Variants in CXCL13 observed in about 807,000 individuals in gnomAD.
The protein encoded by CXCL13 is C-X-C motif chemokine 13.
CXCL13 carries 7 observed loss-of-function variants against 12.2 expected under a neutral mutation model. The ratio of observed to expected loss-of-function variants is 0.57; its 90% CI spans 0.33 to 1.07. The LOEUF (loss-of-function observed/expected upper bound fraction) is 1.07, where lower values mean the gene tolerates loss of function less well. Among genes scored for constraint, CXCL13 ranks in the 50% least tolerant of loss-of-function variants. The pLI is 0.04. For synonymous variants in CXCL13, 47 were observed against 42.4 expected, an observed-to-expected ratio of 1.11 and a Z score of -0.42; for missense variants, 113 against 127.4, an observed-to-expected ratio of 0.89 and a Z score of 0.55.
intron 1 of CXCL13, among the ~76,000 whole-genome samples, chr4:77,538,317 TTTTG>T (rs990670395): frequency 2.0e-5 from 3 of 152,092 alleles, no homozygotes; most frequent in Admixed American, 6.5e-5. Context: ...TGTGGTTTTT[TTTTG>T]TTTGTTTTGG....
intron 1 of CXCL13, among the ~76,000 whole-genome samples, chr4:77,544,226 T>C (rs191783217): frequency 6.6e-6 from 1 of 152,316 alleles, no homozygotes; most frequent in East Asian, 1.9e-4. Flanking sequence ...TGTGTCTTTA[T>C]AGTAGCATGG....
chr4:77,570,308 A>G (rs368027759), intron 1 of CXCL13, among the ~76,000 whole-genome samples: 1 of 152,264 alleles, frequency 6.6e-6, no homozygotes, highest in African/African-American at 2.4e-5. Flanking sequence ...AGCAAAAGAA[A>G]CTATCAACAG....
At chr4:77,513,229 T>A (rs1379000145) in intron 1 of CXCL13, among the ~76,000 whole-genome samples, 2 of 152,144 alleles carry the variant, frequency 1.3e-5, no homozygotes, top group Admixed American at 1.3e-4. Flanking sequence ...TTTGCTATTG[T>A]GAACAGTGCC....
At chr4:77,601,309 G>A (rs896590062), upstream of CXCL13, among the ~76,000 whole-genome samples, 11 of 152,152 alleles carry the variant, frequency 7.2e-5, no homozygotes, top group Admixed American at 4.6e-4. Flanking sequence ...CACAGGATTT[G>A]CACTGTCCAA....
At chr4:77,534,548 T>C (rs1367286386) in intron 1 of CXCL13, among the ~76,000 whole-genome samples, 2 of 152,246 alleles carry the variant, frequency 1.3e-5, no homozygotes, top group Non-Finnish European at 2.9e-5. Context: ...GAAATGCACA[T>C]GAGATCTCTT....
At chr4:77,542,917 G>T (rs1010973871) in intron 1 of CXCL13, among the ~76,000 whole-genome samples, 1 of 152,058 alleles carries the variant, frequency 6.6e-6, no homozygotes, top group Non-Finnish European at 1.5e-5. Flanking sequence ...AATTTTTTGG[G>T]AATAGTTTCA....
At chr4:77,514,283 T>C (rs1479938859) in intron 1 of CXCL13, among the ~76,000 whole-genome samples, 2 of 151,882 alleles carry the variant, frequency 1.3e-5, no homozygotes, top group Admixed American at 6.5e-5. Flanking sequence ...CATGTGTCTT[T>C]ATAGCAGCAT....
At chr4:77,537,335 C>T (rs919463601) in intron 1 of CXCL13, among the ~76,000 whole-genome samples, 1 of 152,142 alleles carries the variant, frequency 6.6e-6, no homozygotes, top group Non-Finnish European at 1.5e-5. Context: ...AGAGATGCAG[C>T]TGATTCACAT....
intron 1 of CXCL13, among the ~76,000 whole-genome samples, chr4:77,536,769 A>G (rs554971684): frequency 6.6e-6 from 1 of 152,326 alleles, no homozygotes; most frequent in South Asian, 2.1e-4. Context: ...AAATAGCAAT[A>G]GCTGATTCAA....
At chr4:77,567,868 C>A (rs1407071326) in intron 1 of CXCL13, among the ~76,000 whole-genome samples, 2 of 152,218 alleles carry the variant, frequency 1.3e-5, no homozygotes, top group African/African-American at 4.8e-5. Context: ...CCTTGTTTAG[C>A]ATATGTTCAA....
intron 1 of CXCL13, among the ~76,000 whole-genome samples, chr4:77,548,687 C>A (rs1468952442): frequency 2.6e-5 from 4 of 152,190 alleles, no homozygotes; most frequent in African/African-American, 9.7e-5. Flanking sequence ...GCTTGTAGAG[C>A]TTCTGCTGAG....
intron 1 of CXCL13, among the ~76,000 whole-genome samples, chr4:77,570,552 C>A (rs1486458370): frequency 6.6e-6 from 1 of 152,222 alleles, no homozygotes; most frequent in Non-Finnish European, 1.5e-5. Context: ...TGCCTGGGTT[C>A]CCACTTTGGC....
At chr4:77,600,980 C>T (rs953522008), upstream of CXCL13, among the ~76,000 whole-genome samples, 4 of 152,108 alleles carry the variant, frequency 2.6e-5, no homozygotes, top group Non-Finnish European at 5.9e-5. Flanking sequence ...CAACACACCC[C>T]TTCTGGTCAG....
chr4:77,553,465 C>G (rs763346447), intron 1 of CXCL13, among the ~76,000 whole-genome samples: 10 of 152,236 alleles, frequency 6.6e-5, no homozygotes, highest in Non-Finnish European at 1.0e-4. Context: ...GTCTTTCCCT[C>G]ATAGCACCTT....
chr4:77,591,491 C>T (rs1244313854), intron 1 of CXCL13, among the ~76,000 whole-genome samples: 1 of 138,254 alleles, frequency 7.2e-6, no homozygotes, highest in Non-Finnish European at 1.5e-5. Flanking sequence ...GCGGAGCTTG[C>T]AGTGAGCCAA....
chr4:77,542,375 T>C (rs1725225598), intron 1 of CXCL13, among the ~76,000 whole-genome samples: 1 of 152,168 alleles, frequency 6.6e-6, no homozygotes, highest in African/African-American at 2.4e-5. Flanking sequence ...TATTTTGAGG[T>C]ATATTCCTTT....
At chr4:77,536,646 G>A (rs1190142954) in intron 1 of CXCL13, among the ~76,000 whole-genome samples, 8 of 152,292 alleles carry the variant, frequency 5.3e-5, no homozygotes, top group Non-Finnish European at 1.0e-4. Flanking sequence ...TACTCCATAA[G>A]CATTAGCCAT....
chr4:77,553,130 A>G (rs866404047), intron 1 of CXCL13, among the ~76,000 whole-genome samples: 1 of 152,182 alleles, frequency 6.6e-6, no homozygotes, highest in Non-Finnish European at 1.5e-5. Context: ...ATACACACCT[A>G]TTCCAGGTCA....
At chr4:77,519,364 A>G (rs867697988) in intron 1 of CXCL13, among the ~76,000 whole-genome samples, 1 of 151,936 alleles carries the variant, frequency 6.6e-6, no homozygotes, top group Non-Finnish European at 1.5e-5. Flanking sequence ...TGCGTCACTC[A>G]CGCTGGGAGC....
Sources: gnomAD v4.1 joint callset for allele counts (sites outside exome capture counted in the v4.1 genomes callset) on GRCh38, gnomAD v4.1.1 for gene constraint, MANE v1.5 for transcripts, NCBI Gene and HGNC (gene_info 2026-07-23, HGNC 2026-07-21) for gene names.